SLC25A46: variants seen among roughly 807,000 people sequenced by gnomAD.
SLC25A46 encodes mitochondrial outer membrane protein SLC25A46.
A neutral mutation model predicts 44.6 loss-of-function variants in SLC25A46; 39 were observed. The observed-to-expected ratio is 0.87, with a 90% CI of 0.68 to 1.14. The LOEUF (loss-of-function observed/expected upper bound fraction) is 1.14, where lower values mean the gene tolerates loss of function less well. Among genes scored for constraint, SLC25A46 ranks in the 50% most tolerant of loss-of-function variants. SLC25A46 has a pLI of 0.00. For synonymous variants in SLC25A46, 202 were observed against 185.8 expected, an observed-to-expected ratio of 1.09 and a Z score of -0.71; for missense variants, 547 against 522.7, an observed-to-expected ratio of 1.05 and a Z score of -0.45.
At chr5:110,749,799 A>G (rs575451237) in intron 5 of SLC25A46, among the ~76,000 whole-genome samples, 5 of 152,244 alleles carry the variant, frequency 3.3e-5, no homozygotes, top group African/African-American at 1.2e-4. Context: ...AGTCACAATG[A>G]TGGGTAACAA....
chr5:110,739,047 TGTGTGCTTAGGTC>T lies in SLC25A46; in HGVS notation c.-69_-57del, dbSNP rs1193645969. 1.3e-6 allele frequency: 2 copies of T among 1,498,836 alleles called. No individual in the cohort carries two copies. The highest frequency in any genetic ancestry group is 2.8e-5 in the African/African-American group (2 of 70,302). The allele number at this position is 1,498,836 out of a possible 1,614,324, so 92.8% of individuals were successfully genotyped here. A position where few individuals can be genotyped will look rare whatever the true frequency, so the allele number is the denominator to read the frequency against. Reference sequence around the variant, plus strand: ...CGCGGCGGCGGCCGACGGGAAGCTGTGTGTGCTTAGGTCGTGGTGGCCCCGGTGGTGGTGGGCT... The same window carrying T: ...CGCGGCGGCGGCCGACGGGAAGCTGTGTGGTGGCCCCGGTGGTGGTGGGCT... On this transcript the variant is annotated 5_prime_UTR_variant, in exon 1 of 8. Transcript: ENST00000355943.
intron 1 of SLC25A46, among the ~76,000 whole-genome samples, chr5:110,740,962 A>G (rs1376446475): frequency 6.6e-6 from 1 of 152,192 alleles, no homozygotes; most frequent in African/African-American, 2.4e-5. Flanking sequence ...AAAACAAACA[A>G]AAAAAGGTAA....
At chr5:110,755,548 T>C in intron 6 of SLC25A46, 27 bp downstream of exon 6, 1 of 1,442,308 alleles carries the variant, frequency 6.9e-7, no homozygotes, top group Non-Finnish European at 9.5e-7. Flanking sequence ...GGCATTTTTA[T>C]TGGGCATTTT....
rs1300825527 is a variant in SLC25A46 at position 110,761,751 on chromosome 5, T to G, written c.1226T>G (p.Ile409Ser). ...GCTGTTTTACAGATTACCAAAATTA[T>G]TTACTCTACACTTCTTCAAAATAAC... ...HAAVLQITKI[I>S]YSTLLQNNI Residue 409 changes from isoleucine (I) to serine (S), a missense_variant, in exon 8 of 8, where the codon ATT becomes AGT. Transcript: ENST00000355943. This position sits in a 1 kb window ranked among gnomAD's most constrained non-coding sequence, Gnocchi z 5.3. 3 of 1,611,932 alleles carry G rather than the reference T, an allele frequency of 1.9e-6. No individual in the cohort carries two copies. Among genetic ancestry groups the G allele is most frequent in the Non-Finnish European group, 2.5e-6 (3 of 1,179,242 alleles).
chr5:110,739,068 C>A lies in SLC25A46; in HGVS notation c.-52C>A. Reference sequence around the variant, plus strand: ...GCTGTGTGTGCTTAGGTCGTGGTGGCCCCGGTGGTGGTGGGCTCCGGGCGG... The same window carrying A: ...GCTGTGTGTGCTTAGGTCGTGGTGGACCCGGTGGTGGTGGGCTCCGGGCGG... On this transcript the variant is annotated 5_prime_UTR_variant, in exon 1 of 8. Transcript: ENST00000355943. 6.5e-7 allele frequency: 1 copy of A among 1,530,440 alleles called. No homozygotes were observed. 94.8% of individuals were successfully genotyped at this position (1,530,440 alleles called of 1,614,324 possible).
intron 7 of SLC25A46, among the ~76,000 whole-genome samples, chr5:110,760,883 C>T (rs1446236589): frequency 6.6e-6 from 1 of 152,058 alleles, no homozygotes; most frequent in Non-Finnish European, 1.5e-5. Flanking sequence ...GAACTATAAG[C>T]ACTATATTGT....
At chr5:110,743,950 A>T (rs2150409047) in intron 3 of SLC25A46, among the ~76,000 whole-genome samples, 163 bp downstream of exon 3, 1 of 152,252 alleles carries the variant, frequency 6.6e-6, no homozygotes, top group Middle Eastern at 3.4e-3. Flanking sequence ...AATATTGAGG[A>T]TCCTAAATAA....
In SLC25A46 at chr5:110,743,757, T is replaced by A. The variant is rs748251446; in HGVS notation, c.354T>A (p.His118Gln). The change falls in exon 3 of 8, where the codon CAT (histidine) becomes CAA (glutamine). Residue 118 changes from histidine to glutamine, a missense_variant. By Grantham distance (24) the His-to-Gln change is conservative (BLOSUM62 0). Transcript: ENST00000355943. ...TCTTTACAGAAAATGTATTGGCACA[T>A]CCTTGCATTGTTCTACGCCGCCAAT... ...ASLFTENVLAHPCIVLRRQCQ... is the reference protein window; with the variant it reads ...ASLFTENVLAQPCIVLRRQCQ... 6 of 1,606,666 alleles carry A rather than the reference T, an allele frequency of 3.7e-6. No individual in the cohort carries two copies. The Admixed American group carries it at 8.4e-5, about 22-fold the overall frequency.
At chr5:110,739,528 C>G (rs1799567814) in intron 1 of SLC25A46, 126 bp downstream of exon 1, 1 of 1,311,364 alleles carries the variant, frequency 7.6e-7, no homozygotes, top group East Asian at 2.6e-5. Context: ...GCGCGCCACA[C>G]CCTTTGCCCT....
intron 7 of SLC25A46, among the ~76,000 whole-genome samples, chr5:110,758,180 A>G (rs980789700): frequency 6.6e-6 from 1 of 151,906 alleles, no homozygotes; most frequent in Admixed American, 6.6e-5. Context: ...TTTTTCAATA[A>G]TGCCTTTGCC....
chr5:110,761,610 T>C lies in SLC25A46; in HGVS notation c.1085T>C (p.Ile362Thr). 3 of 1,613,732 alleles carry C rather than the reference T, an allele frequency of 1.9e-6. No homozygotes were observed. Among genetic ancestry groups the C allele is most frequent in the Non-Finnish European group, 2.5e-6 (3 of 1,179,732 alleles). ...GACCTTGGCTATGAAGTGCTTCCAATTAATACACAATATGAGGGAATGAGA... is the reference window on the plus strand; with the variant it reads ...GACCTTGGCTATGAAGTGCTTCCAACTAATACACAATATGAGGGAATGAGA... ...NTDLGYEVLPINTQYEGMRDC... is the reference protein window; with the variant it reads ...NTDLGYEVLPTNTQYEGMRDC... Residue 362 changes from isoleucine to threonine, a missense_variant, in exon 8 of 8, where the codon ATT becomes ACT. Physicochemically the swap from Ile to Thr is moderately conservative, Grantham distance 89 (BLOSUM62 -1). Transcript: ENST00000355943. This position sits in a 1 kb window ranked among gnomAD's most constrained non-coding sequence, Gnocchi z 5.3.
At chr5:110,749,967 G>C (rs923606965) in intron 5 of SLC25A46, among the ~76,000 whole-genome samples, 1 of 152,106 alleles carries the variant, frequency 6.6e-6, no homozygotes, top group Non-Finnish European at 1.5e-5. Flanking sequence ...GGAATGGTTT[G>C]TTAATCCAAA....
intron 3 of SLC25A46, among the ~76,000 whole-genome samples, chr5:110,745,409 G>A (rs566052584): frequency 4.6e-5 from 7 of 151,972 alleles, no homozygotes; most frequent in African/African-American, 1.2e-4. Flanking sequence ...GCCCGCCACC[G>A]TGCCCAGCTA....
At chr5:110,741,849 A>G (rs377444556) in intron 1 of SLC25A46, 198 bp from the exon 2 acceptor site, 30 of 503,406 alleles carry the variant, frequency 6.0e-5, no homozygotes, top group Middle Eastern at 1.1e-3. Context: ...ACACCTTGCA[A>G]TTTGCCACAG....
rs1444791574 is a variant in SLC25A46 at position 110,764,402 on chromosome 5, GC to G, written c.*2625del. 3 of 151,712 alleles carry G rather than the reference GC, an allele frequency of 2.0e-5. No homozygotes were observed. Among genetic ancestry groups the G allele is most frequent in the Non-Finnish European group, 2.9e-5 (2 of 67,872 alleles). 9.4% of individuals were successfully genotyped at this position (151,712 alleles called of 1,614,324 possible). On this transcript the variant is annotated 3_prime_UTR_variant, in exon 8 of 8. Transcript: ENST00000355943. ...TGGGTTAATAAGGTTATCTATTAAA[GC>G]CCCCAGAATCTCAGCACTAGATGTC...
At chr5:110,757,476 C>T (rs770798316) in intron 7 of SLC25A46, among the ~76,000 whole-genome samples, 1 of 152,136 alleles carries the variant, frequency 6.6e-6, no homozygotes, top group Non-Finnish European at 1.5e-5. Context: ...ATTCTTTTCT[C>T]TAGTATATGT....
chr5:110,750,054 C>T (rs62375471), intron 5 of SLC25A46, among the ~76,000 whole-genome samples: 269 of 152,154 alleles, frequency 1.8e-3, no homozygotes, highest in Non-Finnish European at 2.9e-3. Context: ...TAGTGTAACG[C>T]ATATGCCCAA....
intron 4 of SLC25A46, 101 bp downstream of exon 4, chr5:110,746,447 A>T (rs1292988070): frequency 1.3e-6 from 1 of 742,672 alleles, no homozygotes; most frequent in African/African-American, 1.9e-5. Flanking sequence ...GGTCAATAAA[A>T]CATCTTAACT....
upstream of SLC25A46, chr5:110,738,663 G>A (rs1799475318): frequency 4.7e-6 from 1 of 211,242 alleles, no homozygotes; most frequent in Non-Finnish European, 9.6e-6. Context: ...AGGCCCGTGA[G>A]AAAACACTGA....
Sources: gnomAD v4.1 joint callset for allele counts (sites outside exome capture counted in the v4.1 genomes callset) on GRCh38, gnomAD v4.1.1 for gene constraint, Gnocchi (gnomAD v3.1) non-coding constraint, MANE v1.5 for transcripts, NCBI Gene and HGNC (gene_info 2026-07-23, HGNC 2026-07-21) for gene names.